The following CSMD1 variants were observed in gnomAD, a reference collection of about 807,000 sequenced individuals.
The protein encoded by CSMD1 is CUB and Sushi multiple domains 1, also known as CUB and sushi domain-containing protein 1.
A neutral mutation model predicts 417.5 loss-of-function variants in CSMD1; 213 were observed. That is an observed-to-expected ratio of 0.51 (90% CI 0.46 to 0.57). CSMD1 has a LOEUF of 0.57. CSMD1 is among the 20% of genes least tolerant of loss of function. The pLI is 0.00. For missense variants in CSMD1, 6,923 were observed against 4,529.7 expected, an observed-to-expected ratio of 1.53 and a Z score of -15.17; for synonymous variants, 2,862 against 1,736.8, an observed-to-expected ratio of 1.65 and a Z score of -16.11.
chr8:3,750,359 A>G (rs1797274479), intron 6 of CSMD1, among the ~76,000 whole-genome samples: 1 of 149,874 alleles, frequency 6.7e-6, no homozygotes, highest in African/African-American at 2.4e-5. Context: ...TATATGATTC[A>G]GGTTAAATAT....
chr8:4,599,129 T>C (rs1008484556), intron 2 of CSMD1, among the ~76,000 whole-genome samples: 8 of 152,200 alleles, frequency 5.3e-5, no homozygotes, highest in Non-Finnish European at 1.0e-4. Context: ...CCTTCCAGAC[T>C]AAGGTATTAA....
At chr8:3,993,259 G>A (rs1240007665) in intron 5 of CSMD1, among the ~76,000 whole-genome samples, 2 of 152,180 alleles carry the variant, frequency 1.3e-5, no homozygotes, top group Non-Finnish European at 2.9e-5. Flanking sequence ...AACAACATGA[G>A]GAGGGAGAAC....
intron 5 of CSMD1, among the ~76,000 whole-genome samples, chr8:3,996,695 T>G (rs994273698): frequency 5.3e-5 from 8 of 152,160 alleles, no homozygotes; most frequent in Admixed American, 2.0e-4. Flanking sequence ...TTGTTCAGCA[T>G]GAAAAAAATT....
At chr8:3,979,952 G>C (rs766552406) in intron 5 of CSMD1, among the ~76,000 whole-genome samples, 9 of 152,182 alleles carry the variant, frequency 5.9e-5, no homozygotes, top group Non-Finnish European at 1.3e-4. Context: ...TATAGCTTCA[G>C]CCAACACTGC....
At position 3,961,908 on chromosome 8, in the gene CSMD1, C is replaced by A. The variant is rs145197052; in HGVS notation, c.818+35995G>T. Among the ~76,000 whole-genome samples the A allele has an allele frequency of 3.3e-5, 5 of 152,286 alleles. No individual in the cohort carries two copies. In the East Asian group the frequency reaches 9.7e-4, roughly 29 times the overall value. On this transcript the variant is annotated intron_variant, in intron 5 of 69. Coordinates refer to ENST00000635120, the MANE Select transcript of CSMD1 (RefSeq NM_033225.6). Reference sequence around the variant, plus strand: ...TGCCTTACGACTTCTTGAGTCATTGCTCAAAAACGAATGGGCTTGGGCGCT... The same window carrying A: ...TGCCTTACGACTTCTTGAGTCATTGATCAAAAACGAATGGGCTTGGGCGCT...
At chr8:4,102,148 C>T (rs190979845) in intron 3 of CSMD1, among the ~76,000 whole-genome samples, 4 of 152,194 alleles carry the variant, frequency 2.6e-5, no homozygotes, top group African/African-American at 9.6e-5. Flanking sequence ...AACCTCAAAT[C>T]ATGTAAATGA....
At chr8:3,404,031 G>C (rs746015473) in intron 15 of CSMD1, among the ~76,000 whole-genome samples, 1 of 152,132 alleles carries the variant, frequency 6.6e-6, no homozygotes, top group Admixed American at 6.6e-5. Flanking sequence ...TATGAAAAGG[G>C]TGAACATCAG....
chr8:3,630,051 C>T (rs1796701846), intron 7 of CSMD1, among the ~76,000 whole-genome samples: 1 of 83,922 alleles, frequency 1.2e-5, no homozygotes, highest in South Asian at 3.9e-4. Flanking sequence ...GATTACTTTT[C>T]TACATTAGAG....
chr8:3,410,292 G>T (rs1394481672), intron 12 of CSMD1, among the ~76,000 whole-genome samples: 3 of 152,174 alleles, frequency 2.0e-5, no homozygotes, highest in African/African-American at 7.2e-5. Flanking sequence ...GAGCCACTGT[G>T]TGTCAGGTCC....
At chr8:3,810,976 C>G (rs1238167448) in intron 5 of CSMD1, among the ~76,000 whole-genome samples, 1 of 152,122 alleles carries the variant, frequency 6.6e-6, no homozygotes, top group Non-Finnish European at 1.5e-5. Context: ...AATATAAGTA[C>G]AAGTACTTTA....
chr8:3,067,392 G>T (rs1417106094), intron 49 of CSMD1, among the ~76,000 whole-genome samples: 1 of 152,004 alleles, frequency 6.6e-6, no homozygotes, highest in Non-Finnish European at 1.5e-5. Flanking sequence ...TAGCTTCCTT[G>T]CAGGCTCATG....
chr8:3,906,419 T>C (rs1808116718), intron 5 of CSMD1, among the ~76,000 whole-genome samples: 1 of 152,140 alleles, frequency 6.6e-6, no homozygotes, highest in Admixed American at 6.5e-5. Context: ...ACGAACATGA[T>C]ATATAGTAAT....
At chr8:3,327,872 G>C (rs1051645620) in intron 23 of CSMD1, among the ~76,000 whole-genome samples, 1 of 151,920 alleles carries the variant, frequency 6.6e-6, no homozygotes, top group Non-Finnish European at 1.5e-5. Flanking sequence ...CCTTCTGTTG[G>C]TCTTCCATGG....
At chr8:3,665,702 T>C (rs11995993) in intron 7 of CSMD1, among the ~76,000 whole-genome samples, 11 of 151,998 alleles carry the variant, frequency 7.2e-5, no homozygotes, top group Admixed American at 7.2e-4. Context: ...TGTGAAACCA[T>C]CGCTACATAT....
At chr8:3,141,317 C>T (rs1311811574) in intron 41 of CSMD1, among the ~76,000 whole-genome samples, 1 of 152,178 alleles carries the variant, frequency 6.6e-6, no homozygotes, top group African/African-American at 2.4e-5. Flanking sequence ...TAACCAACTC[C>T]ATCTTGCTTC....
chr8:4,386,330 T>C (rs1275542960), intron 3 of CSMD1, among the ~76,000 whole-genome samples: 1 of 151,026 alleles, frequency 6.6e-6, no homozygotes, highest in South Asian at 2.1e-4. Flanking sequence ...CTACCTTCCG[T>C]CCTCGGTTAT....
intron 3 of CSMD1, among the ~76,000 whole-genome samples, chr8:4,095,048 A>T (rs1247834544): frequency 2.0e-5 from 3 of 152,214 alleles, no homozygotes; most frequent in Admixed American, 6.5e-5. Flanking sequence ...TCATGTAAGT[A>T]GTTGAGCTTT....
chr8:3,012,077 T>A (rs1191410613), intron 52 of CSMD1, among the ~76,000 whole-genome samples: 1 of 152,208 alleles, frequency 6.6e-6, no homozygotes, highest in Non-Finnish European at 1.5e-5. Flanking sequence ...CTCTGAACTC[T>A]GGGAGATCCC....
At chr8:4,866,233 G>A (rs912605136) in intron 1 of CSMD1, among the ~76,000 whole-genome samples, 2 of 151,798 alleles carry the variant, frequency 1.3e-5, no homozygotes, top group Non-Finnish European at 2.9e-5. Flanking sequence ...AATGTACCAG[G>A]CTCTCTTGAA....
Sources: gnomAD v4.1 joint callset for allele counts (sites outside exome capture counted in the v4.1 genomes callset) on GRCh38, gnomAD v4.1.1 for gene constraint, MANE v1.5 for transcripts, NCBI Gene and HGNC (gene_info 2026-07-23, HGNC 2026-07-21) for gene names.